Variants in MAGI1 observed in about 807,000 individuals in gnomAD.
MAGI1 encodes the protein membrane-associated guanylate kinase, WW and PDZ domain-containing protein 1.
In MAGI1, 58 loss-of-function variants were observed where a neutral mutation model predicts 139.9. The ratio of observed to expected loss-of-function variants is 0.41; its 90% CI spans 0.34 to 0.52. The LOEUF (loss-of-function observed/expected upper bound fraction) is 0.52, where lower values mean the gene tolerates loss of function less well. Ranked by LOEUF, MAGI1 falls within the 20% of genes least tolerant of loss-of-function variation. The pLI is 0.12. For synonymous variants in MAGI1, 812 were observed against 737.9 expected (o/e 1.10, Z -1.63); for missense variants, 1,874 against 1,901.6 (o/e 0.99, Z 0.27).
intron 1 of MAGI1, among the ~76,000 whole-genome samples, chr3:65,955,516 G>A (rs898518165): frequency 6.6e-6 from 1 of 152,096 alleles, no homozygotes; most frequent in African/African-American, 2.4e-5. Context: ...GAACCCACCT[G>A]AAATGAAGCT....
chr3:65,911,069 G>T (rs1341122348), intron 1 of MAGI1, among the ~76,000 whole-genome samples: 1 of 151,236 alleles, frequency 6.6e-6, no homozygotes, highest in Non-Finnish European at 1.5e-5. Context: ...TATTGGTCAG[G>T]CTGGTGTCGA....
intron 17 of MAGI1, among the ~76,000 whole-genome samples, chr3:65,377,402 C>T (rs1255822701): frequency 6.6e-6 from 1 of 152,128 alleles, no homozygotes; most frequent in African/African-American, 2.4e-5. Context: ...AAGCCTCATG[C>T]AAGGTATTAG....
chr3:65,674,296 A>G (rs2087046793), intron 1 of MAGI1, among the ~76,000 whole-genome samples: 1 of 152,214 alleles, frequency 6.6e-6, no homozygotes, highest in Non-Finnish European at 1.5e-5. Context: ...AGCCGATCTC[A>G]GCCCTATCAG....
At chr3:65,541,409 T>A (rs371247405) in intron 2 of MAGI1, among the ~76,000 whole-genome samples, 1 of 152,220 alleles carries the variant, frequency 6.6e-6, no homozygotes, top group South Asian at 2.1e-4. Context: ...GACTCCTCCC[T>A]AACTCATTTT....
chr3:65,558,544 A>G (rs1411565960), intron 2 of MAGI1, among the ~76,000 whole-genome samples: 1 of 152,178 alleles, frequency 6.6e-6, no homozygotes, highest in Non-Finnish European at 1.5e-5. Context: ...ATCTTCTTAC[A>G]TCATTCTCTC....
chr3:65,773,783 G>C (rs796329892), intron 1 of MAGI1, among the ~76,000 whole-genome samples: 23 of 152,222 alleles, frequency 1.5e-4, no homozygotes, highest in African/African-American at 5.1e-4. Flanking sequence ...AGACTGCCTT[G>C]ATTCGAGTGT....
At chr3:65,898,454 A>C (rs768378451) in intron 1 of MAGI1, among the ~76,000 whole-genome samples, 1 of 152,244 alleles carries the variant, frequency 6.6e-6, no homozygotes, top group Non-Finnish European at 1.5e-5. Context: ...TTGTATGTGT[A>C]CATATGTACG....
At chr3:65,657,482 G>A (rs151067206) in intron 1 of MAGI1, among the ~76,000 whole-genome samples, 17 of 152,020 alleles carry the variant, frequency 1.1e-4, no homozygotes, top group Admixed American at 3.3e-4. Flanking sequence ...AAGAGGAGTG[G>A]GGGAAGTGTC....
At position 65,447,986 on chromosome 3, in the gene MAGI1, C is replaced by T. The variant is rs765841696; in HGVS notation, c.1078+36G>A. On this transcript the variant is annotated intron_variant, in intron 7 of 22. Transcript: ENST00000402939. ...AAAACCATGCAGGCCATGTCATGCA[C>T]GTGTCATGCAGCAGCAGCAGGCAGG... 6.2e-6 allele frequency: 10 copies of T among 1,612,864 alleles called. No individual in the cohort carries two copies. The East Asian group carries it at 6.7e-5, about 11-fold the overall frequency.
At position 65,548,438 on chromosome 3, in the gene MAGI1, T is replaced by G. The variant is rs376035881; in HGVS notation, c.431-54807A>C. ...GAAAAGTGGCTCTACAATAAGGCTC[T>G]GCACAAAAGGGCCTCCCTTTTCAAC... On this transcript the variant is annotated intron_variant, in intron 2 of 22. Transcript: ENST00000402939. Among the ~76,000 whole-genome samples, 14 of 150,780 alleles carry G rather than the reference T, an allele frequency of 9.3e-5. No individual in the cohort carries two copies. In the South Asian group the frequency reaches 3.0e-3, roughly 32 times the overall value.
intron 1 of MAGI1, among the ~76,000 whole-genome samples, chr3:65,705,651 A>G (rs1477006665): frequency 6.6e-6 from 1 of 152,262 alleles, no homozygotes; most frequent in East Asian, 1.9e-4. Context: ...AAGTCATAAC[A>G]GATCTTGAAC....
intron 2 of MAGI1, among the ~76,000 whole-genome samples, chr3:65,588,282 A>T (rs1309160584): frequency 6.6e-6 from 1 of 152,250 alleles, no homozygotes; most frequent in Non-Finnish European, 1.5e-5. Context: ...GTTATATGAG[A>T]TAAGAACTTG....
At chr3:65,988,823 AT>A (rs1489031126) in intron 1 of MAGI1, among the ~76,000 whole-genome samples, 1 of 152,126 alleles carries the variant, frequency 6.6e-6, no homozygotes, top group African/African-American at 2.4e-5. Context: ...TTCCTATTCT[AT>A]TTTTTATCAC....
chr3:66,014,004 G>C (rs1379336382), intron 1 of MAGI1, among the ~76,000 whole-genome samples: 1 of 152,022 alleles, frequency 6.6e-6, no homozygotes, highest in Non-Finnish European at 1.5e-5. Context: ...AATGTATCAG[G>C]GCCATCTTCC....
At chr3:65,881,188 T>G (rs2060314395) in intron 1 of MAGI1, among the ~76,000 whole-genome samples, 1 of 152,142 alleles carries the variant, frequency 6.6e-6, no homozygotes, top group African/African-American at 2.4e-5. Context: ...GGCATCTGAT[T>G]TTAACTCTTC....
At chr3:65,603,511 A>G (rs2082578246) in intron 2 of MAGI1, among the ~76,000 whole-genome samples, 1 of 152,248 alleles carries the variant, frequency 6.6e-6, no homozygotes, top group South Asian at 2.1e-4. Context: ...TTTTCTGTCT[A>G]GTTGATTGAA....
At chr3:65,637,205 T>G (rs1231279484) in intron 1 of MAGI1, among the ~76,000 whole-genome samples, 1 of 152,062 alleles carries the variant, frequency 6.6e-6, no homozygotes, top group Non-Finnish European at 1.5e-5. Flanking sequence ...CCTTTACACA[T>G]ATGTGGAATC....
intron 1 of MAGI1, among the ~76,000 whole-genome samples, chr3:65,922,316 T>A (rs1202955798): frequency 6.6e-6 from 1 of 152,138 alleles, no homozygotes; most frequent in East Asian, 1.9e-4. Flanking sequence ...GTGACCCTAT[T>A]TAGAAATAGG....
chr3:65,450,666 G>C (rs62252646), intron 6 of MAGI1, among the ~76,000 whole-genome samples: 1 of 151,988 alleles, frequency 6.6e-6, no homozygotes, highest in Non-Finnish European at 1.5e-5. Flanking sequence ...GCAACACTGA[G>C]GGCTTCTAAC....
Sources: gnomAD v4.1 joint callset for allele counts (sites outside exome capture counted in the v4.1 genomes callset) on GRCh38, gnomAD v4.1.1 for gene constraint, MANE v1.5 for transcripts, NCBI Gene and HGNC (gene_info 2026-07-23, HGNC 2026-07-21) for gene names.